The following RPGRIP1 variants were observed in gnomAD, a reference collection of about 807,000 sequenced individuals.
The protein encoded by RPGRIP1 is RPGR interacting protein 1, also known as X-linked retinitis pigmentosa GTPase regulator-interacting protein 1.
RPGRIP1 carries 128 observed loss-of-function variants against 157.9 expected under a neutral mutation model. The observed-to-expected ratio is 0.81, with a 90% CI of 0.70 to 0.94. The LOEUF (loss-of-function observed/expected upper bound fraction) is 0.94, where lower values mean the gene tolerates loss of function less well. Ranked by LOEUF, RPGRIP1 falls within the 40% of genes least tolerant of loss-of-function variation. The probability of loss-of-function intolerance (pLI) is 0.00; values close to 1 mark genes in which losing one functional copy is unlikely to be tolerated. For synonymous variants in RPGRIP1, 554 were observed against 571.6 expected, an observed-to-expected ratio of 0.97 and a Z score of 0.44; for missense variants, 1,486 against 1,545.8, an observed-to-expected ratio of 0.96 and a Z score of 0.65.
intron 19 of RPGRIP1, among the ~76,000 whole-genome samples, chr14:21,328,998 G>A (rs1883418414): frequency 6.6e-6 from 1 of 152,026 alleles, no homozygotes; most frequent in South Asian, 2.1e-4. Flanking sequence ...ACAAAAATTA[G>A]CCAGGCATGG....
chr14:21,294,052 CAAAAAA>C (rs370207654), intron 2 of RPGRIP1, among the ~76,000 whole-genome samples: 2 of 94,930 alleles, frequency 2.1e-5, no homozygotes, highest in Non-Finnish European at 1.9e-5. Flanking sequence ...GACCCTGTCT[CAAAAAA>C]AAAAAAAAAA....
At position 21,288,507 on chromosome 14, in the gene RPGRIP1, C is replaced by CT. The variant is rs763706374; in HGVS notation, c.85+457dup. ...TCTTCTCACATTTTATTCTTAAGTT[C>CT]TTTTTTTTTTTCTTTTTTTTGAGAT... On this transcript the variant is annotated intron_variant, in intron 2 of 24. Coordinates refer to ENST00000400017, the MANE Select transcript of RPGRIP1 (RefSeq NM_020366.4). 2.6e-3 allele frequency among the ~76,000 whole-genome samples: 370 copies of CT among 142,208 alleles called. 2 individuals are homozygous for CT. In the Middle Eastern group the frequency reaches 0.042, roughly 16 times the overall value. 93.3% of individuals were successfully genotyped at this position (142,208 alleles called of 152,430 possible). A position where few individuals can be genotyped will look rare whatever the true frequency, so the allele number is the denominator to read the frequency against.
At chr14:21,334,730 CATACGAG>C (rs746738484) in intron 21 of RPGRIP1, 25 bp downstream of exon 21, 1 of 1,410,920 alleles carries the variant, frequency 7.1e-7, no homozygotes, top group African/African-American at 1.5e-5. Flanking sequence ...GTAATCATTG[CATACGAG>C]ATAAGACGAT....
rs1883362084 is a variant in RPGRIP1, at chr14:21,328,572, G to A, written c.3044G>A (p.Gly1015Glu). Residue 1015 changes from glycine to glutamate, a missense_variant, in exon 19 of 25, where the codon GGA (glycine) becomes GAA (glutamate). Transcript: ENST00000400017. Reference sequence around the variant, plus strand: ...CATGGCAAAAGAATAGGTGTTCAAGGAAAGAATAGAATGGAGTATCTTAGC... The same window carrying A: ...CATGGCAAAAGAATAGGTGTTCAAGAAAAGAATAGAATGGAGTATCTTAGC... ...RKHGKRIGVQGKNRMEYLSLN... is the reference protein window; with the variant it reads ...RKHGKRIGVQEKNRMEYLSLN... 1.9e-6 allele frequency: 3 copies of A among 1,613,754 alleles called. No individual in the cohort carries two copies. The highest frequency in any genetic ancestry group is 2.5e-6 in the Non-Finnish European group (3 of 1,179,714).
chr14:21,323,684 T>C lies in RPGRIP1; in HGVS notation c.1763-934T>C, dbSNP rs574747526. ...ATCCTATTGATTTATAGAAATTCTT[T>C]TTATGCTGAGATTATTACTCCTGCA... On this transcript the variant is annotated intron_variant, in intron 14 of 24. Transcript: ENST00000400017. Among the ~76,000 whole-genome samples, 10 of 152,254 alleles carry C rather than the reference T, an allele frequency of 6.6e-5. No individual in the cohort carries two copies. The East Asian group carries it at 9.6e-4, about 15-fold the overall frequency.
intron 2 of RPGRIP1, among the ~76,000 whole-genome samples, chr14:21,288,771 C>T (rs757962359): frequency 1.3e-5 from 2 of 152,058 alleles, no homozygotes; most frequent in Admixed American, 1.3e-4. Context: ...GCCTCGGTCT[C>T]CCAACGTGCT....
intron 3 of RPGRIP1, among the ~76,000 whole-genome samples, chr14:21,298,242 T>C (rs1192066413): frequency 6.6e-6 from 1 of 152,148 alleles, no homozygotes; most frequent in Non-Finnish European, 1.5e-5. Flanking sequence ...CTCATGCCTG[T>C]AGTTCCAACA....
chr14:21,289,738 C>T (rs907750289), intron 2 of RPGRIP1, among the ~76,000 whole-genome samples: 1 of 152,122 alleles, frequency 6.6e-6, no homozygotes, highest in African/African-American at 2.4e-5. Context: ...CATAGTGGCT[C>T]ACGCCTGTAA....
intron 24 of RPGRIP1, among the ~76,000 whole-genome samples, chr14:21,349,399 C>CTT (rs71112577): frequency 4.9e-5 from 4 of 82,022 alleles, no homozygotes; most frequent in African/African-American, 1.3e-4. Context: ...TAATTTCTTT[C>CTT]TTTTTTTTTT....
intron 22 of RPGRIP1, among the ~76,000 whole-genome samples, chr14:21,344,475 A>T (rs1490318784): frequency 6.6e-6 from 1 of 152,124 alleles, no homozygotes; most frequent in Non-Finnish European, 1.5e-5. Flanking sequence ...TCTCTCCTAT[A>T]CCAGATTTCT....
chr14:21,310,329 C>A (rs560744054), intron 7 of RPGRIP1, among the ~76,000 whole-genome samples: 2 of 152,200 alleles, frequency 1.3e-5, no homozygotes, highest in East Asian at 3.9e-4. Flanking sequence ...CTTGGATAAT[C>A]CACCAAGTAC....
At chr14:21,336,048 A>C (rs980130896) in intron 21 of RPGRIP1, among the ~76,000 whole-genome samples, 1 of 152,216 alleles carries the variant, frequency 6.6e-6, no homozygotes. Flanking sequence ...CCTAAAACCA[A>C]GGAGGTAGAT....
Position 21,302,518 on chromosome 14 carries a change from C to T in RPGRIP1, c.521C>T (p.Pro174Leu), listed in dbSNP as rs780733881. 7 of 1,586,714 alleles carry T rather than the reference C, an allele frequency of 4.4e-6. No individual in the cohort carries two copies. Among genetic ancestry groups the T allele is most frequent in the Non-Finnish European group, 6.0e-6 (7 of 1,164,524 alleles). ...AGGGACAGGCTGAGCTACACAGCCC[C>T]TCCATCGTTTAAGGAGCATGCGACA... ...GPRDRLSYTA[P>L]PSFKEHATNE... Residue 174 changes from proline (P) to leucine (L), a missense_variant, in exon 5 of 25, where the codon CCT becomes CTT. Coordinates refer to ENST00000400017, the MANE Select transcript of RPGRIP1 (RefSeq NM_020366.4).
chr14:21,304,863 G>A (rs1328446729), intron 6 of RPGRIP1, among the ~76,000 whole-genome samples: 7 of 151,568 alleles, frequency 4.6e-5, no homozygotes, highest in Non-Finnish European at 7.4e-5. Flanking sequence ...GGGCAGTGGC[G>A]TGATCTCGGC....
intron 21 of RPGRIP1, among the ~76,000 whole-genome samples, chr14:21,334,986 C>T (rs1594242529): frequency 7.3e-6 from 1 of 136,918 alleles, no homozygotes. Context: ...GCAGAGGTTG[C>T]AGTGAGCCAA....
rs745694912 is a variant in RPGRIP1, at chr14:21,325,324, A to G, written c.2308A>G (p.Lys770Glu). ...PSLQACNKRK[K>E]AQVYLSTDVL... is the part of the protein sequence containing the mutation. ...CCTACAGGCGTGCAATAAACGAAAG[A>G]AAGCCCAGGTCTACCTGTCAACCGA... Residue 770 changes from lysine (K) to glutamate (E), a missense_variant, in exon 16 of 25, where the codon AAA (lysine) becomes GAA (glutamate). Physicochemically the swap from Lys to Glu is moderately conservative, Grantham distance 56. Coordinates refer to ENST00000400017, the MANE Select transcript of RPGRIP1 (RefSeq NM_020366.4). 6.2e-7 allele frequency: 1 copy of G among 1,607,498 alleles called. No homozygotes were observed. The highest frequency in any genetic ancestry group is 1.1e-5 in the South Asian group (1 of 90,054).
intron 10 of RPGRIP1, 145 bp from the exon 11 acceptor site, chr14:21,317,551 A>G (rs1281664728): frequency 3.7e-5 from 57 of 1,520,606 alleles, no homozygotes; most frequent in Non-Finnish European, 4.8e-5. Context: ...TTGGTAAATG[A>G]CAGTTATGAA....
At chr14:21,297,742 T>C (rs578096403) in intron 3 of RPGRIP1, among the ~76,000 whole-genome samples, 6 of 152,254 alleles carry the variant, frequency 3.9e-5, no homozygotes, top group African/African-American at 1.4e-4. Flanking sequence ...TTGGGTGATT[T>C]TGGGGGAGGA....
At chr14:21,327,224 A>G (rs1209462234) in intron 17 of RPGRIP1, among the ~76,000 whole-genome samples, 1 of 152,176 alleles carries the variant, frequency 6.6e-6, no homozygotes, top group East Asian at 1.9e-4. Flanking sequence ...CGAAAGAGCC[A>G]TTTTGCTTAA....
Sources: gnomAD v4.1 joint callset for allele counts (sites outside exome capture counted in the v4.1 genomes callset) on GRCh38, gnomAD v4.1.1 for gene constraint, MANE v1.5 for transcripts, NCBI Gene and HGNC (gene_info 2026-07-23, HGNC 2026-07-21) for gene names.